Variants in AGPS observed in about 807,000 individuals in gnomAD.
The protein encoded by AGPS is alkyldihydroxyacetonephosphate synthase, peroxisomal.
In AGPS, 26 loss-of-function variants were observed where a neutral mutation model predicts 90.7. The observed-to-expected ratio is 0.29, with a 90% confidence interval of 0.21 to 0.40. AGPS has a LOEUF of 0.40. Ranked by LOEUF, AGPS falls within the 10% of genes least tolerant of loss-of-function variation. The pLI is 1.00. For synonymous variants in AGPS, 294 were observed against 285.3 expected, an observed-to-expected ratio of 1.03 and a Z score of -0.31; for missense variants, 540 against 816.1, an observed-to-expected ratio of 0.66 and a Z score of 4.12.
chr2:177,446,649 A>G (rs1574374433), intron 8 of AGPS, among the ~76,000 whole-genome samples: 1 of 152,132 alleles, frequency 6.6e-6, no homozygotes, highest in Non-Finnish European at 1.5e-5. Flanking sequence ...TTTTACTGGT[A>G]TTGTTCTGGC....
intron 2 of AGPS, among the ~76,000 whole-genome samples, chr2:177,428,069 A>C (rs1686132038): frequency 1.3e-5 from 2 of 152,118 alleles, no homozygotes. Context: ...TGAACCCTTT[A>C]CCATTATGTA....
chr2:177,449,151 G>A (rs1398241508), intron 8 of AGPS, among the ~76,000 whole-genome samples: 6 of 152,102 alleles, frequency 3.9e-5, no homozygotes, highest in Admixed American at 6.5e-5. Context: ...TGCTATGAAC[G>A]TTCATGTGAA....
At chr2:177,413,190 G>T (rs992490959) in intron 1 of AGPS, among the ~76,000 whole-genome samples, 2 of 152,212 alleles carry the variant, frequency 1.3e-5, no homozygotes, top group Admixed American at 1.3e-4. Flanking sequence ...AGAATACTGT[G>T]TACATTAAGC....
intron 10 of AGPS, among the ~76,000 whole-genome samples, chr2:177,470,394 A>G (rs960965386): frequency 6.6e-6 from 1 of 152,182 alleles, no homozygotes. Flanking sequence ...TTATTATAGT[A>G]AAGTAAGCAA....
chr2:177,394,276 T>C (rs1685106412), intron 1 of AGPS, among the ~76,000 whole-genome samples: 1 of 152,232 alleles, frequency 6.6e-6, no homozygotes, highest in Non-Finnish European at 1.5e-5. Context: ...AACTGGGAAC[T>C]ATACCACCTG....
chr2:177,523,679 G>C, intron 18 of AGPS, 69 bp from the exon 19 acceptor site: 1 of 1,304,206 alleles, frequency 7.7e-7, no homozygotes, highest in South Asian at 1.2e-5. Context: ...TTTGGGAGTT[G>C]GGTCTTTTTC....
chr2:177,412,199 T>A (rs1446328951), intron 1 of AGPS, among the ~76,000 whole-genome samples: 1 of 152,034 alleles, frequency 6.6e-6, no homozygotes, highest in African/African-American at 2.4e-5. Context: ...AGGAAGTAGA[T>A]TCAGAGGTAA....
intron 1 of AGPS, among the ~76,000 whole-genome samples, chr2:177,397,178 C>A (rs1432658858): frequency 6.6e-6 from 1 of 152,038 alleles, no homozygotes; most frequent in African/African-American, 2.4e-5. Flanking sequence ...ACCTAGTGAT[C>A]CACCCACCTC....
At chr2:177,415,544 A>G (rs953699680) in intron 1 of AGPS, among the ~76,000 whole-genome samples, 4 of 152,232 alleles carry the variant, frequency 2.6e-5, no homozygotes, top group African/African-American at 9.6e-5. Context: ...TATTCTGGCA[A>G]CTAGAGCTGA....
intron 19 of AGPS, among the ~76,000 whole-genome samples, chr2:177,534,271 A>G (rs1345625447): frequency 6.6e-6 from 1 of 152,088 alleles, no homozygotes; most frequent in Non-Finnish European, 1.5e-5. Flanking sequence ...CCTTGCGTAC[A>G]TGTCTGTTCA....
chr2:177,462,105 T>C, intron 9 of AGPS, 87 bp downstream of exon 9: 4 of 1,290,538 alleles, frequency 3.1e-6, no homozygotes, highest in Non-Finnish European at 4.2e-6. Flanking sequence ...AAATTAAGAG[T>C]TGGGCCTGGG....
rs377363993 is a variant in AGPS at position 177,497,505 on chromosome 2, A to G, written c.1286-184A>G. Among the ~76,000 whole-genome samples, 5 of 151,988 alleles carry G rather than the reference A, an allele frequency of 3.3e-5. No homozygotes were observed. In the South Asian group the frequency reaches 1.0e-3, roughly 31 times the overall value. ...TTTGTGACATTTGAAAGAAGATAAAAGTAGCAAATATTAATATAACTATAT... is the reference window on the plus strand; with the variant it reads ...TTTGTGACATTTGAAAGAAGATAAAGGTAGCAAATATTAATATAACTATAT... On this transcript the variant is annotated intron_variant, in intron 12 of 19. Transcript: ENST00000264167.
intron 7 of AGPS, among the ~76,000 whole-genome samples, chr2:177,444,147 G>A (rs1209417659): frequency 3.9e-5 from 6 of 152,218 alleles, no homozygotes; most frequent in African/African-American, 1.4e-4. Context: ...TCAGCCAGGC[G>A]TGGTGGCTCA....
At chr2:177,492,412 G>A (rs777181549) in intron 11 of AGPS, among the ~76,000 whole-genome samples, 1 of 152,216 alleles carries the variant, frequency 6.6e-6, no homozygotes, top group African/African-American at 2.4e-5. Flanking sequence ...ATTTGTAAAC[G>A]TGAAGAAAAC....
chr2:177,529,495 G>A (rs1016386405), intron 19 of AGPS, among the ~76,000 whole-genome samples: 4 of 151,964 alleles, frequency 2.6e-5, no homozygotes, highest in South Asian at 4.1e-4. Context: ...AAAGAAAAAA[G>A]GCAGTAGTCT....
chr2:177,402,205 T>A (rs1014583378), intron 1 of AGPS, among the ~76,000 whole-genome samples: 1 of 152,122 alleles, frequency 6.6e-6, no homozygotes, highest in Non-Finnish European at 1.5e-5. Context: ...AACATGACAT[T>A]TGAGCAGATA....
chr2:177,482,220 CATAT>C (rs773540377), intron 11 of AGPS, 34 bp downstream of exon 11: 1 of 1,116,326 alleles, frequency 9.0e-7, no homozygotes, highest in Non-Finnish European at 1.3e-6. Context: ...TACATACATA[CATAT>C]ATGTTTATGT....
At chr2:177,528,860 T>C (rs2079112500) in intron 19 of AGPS, among the ~76,000 whole-genome samples, 1 of 141,184 alleles carries the variant, frequency 7.1e-6, no homozygotes, top group Non-Finnish European at 1.5e-5. Flanking sequence ...TTTTTTTTTT[T>C]TTTTTTTTTT....
chr2:177,453,832 C>G (rs1179562173), intron 8 of AGPS, among the ~76,000 whole-genome samples: 3 of 145,288 alleles, frequency 2.1e-5, no homozygotes. Context: ...GGATTACAAG[C>G]TTGAGCCACC....
Sources: allele counts gnomAD v4.1 joint callset (sites outside exome capture counted in the v4.1 genomes callset), GRCh38; gene constraint gnomAD v4.1.1; transcripts MANE v1.5; gene names NCBI Gene and HGNC (gene_info 2026-07-23, HGNC 2026-07-21).